POM121: variants seen among roughly 807,000 people sequenced by gnomAD.
POM121 encodes the protein nuclear envelope pore membrane protein POM 121.
In POM121, 32 loss-of-function variants were observed where a neutral mutation model predicts 81.3. The observed-to-expected ratio is 0.39, with a 90% CI of 0.30 to 0.53. The LOEUF is 0.53. POM121 is among the 20% of genes least tolerant of loss of function. The probability of loss-of-function intolerance (pLI) is 0.66; values close to 1 mark genes in which losing one functional copy is unlikely to be tolerated. For missense variants in POM121, 1,138 were observed against 1,614.6 expected (o/e 0.70, Z 5.06); for synonymous variants, 514 against 694.2 (o/e 0.74, Z 4.08).
In POM121 at chr7:72,943,399, A is replaced by G. The variant is rs2129580572; in HGVS notation, c.3406A>G (p.Ser1136Gly). 5 of 1,613,380 alleles carry G rather than the reference A, an allele frequency of 3.1e-6. No homozygotes were observed. In the South Asian group the frequency reaches 5.5e-5, roughly 18 times the overall value. ...CAGCTTTGGAGCAGGACAGAGTGGGAGCACAGCCACCTCCACCCCCTTCGC... is the reference window on the plus strand; with the variant it reads ...CAGCTTTGGAGCAGGACAGAGTGGGGGCACAGCCACCTCCACCCCCTTCGC... ...AFSFGAGQSG[S>G]TATSTPFAGG... Residue 1136 changes from serine to glycine, a missense_variant, in exon 11 of 13, where the codon AGC (serine) becomes GGC (glycine). This residue lies in a region of POM121 where 336 missense variants were observed against 344.3 expected (regional missense o/e 0.98). Transcript: ENST00000434423.
At chr7:72,898,458 A>G (rs533175783) in intron 3 of POM121, among the ~76,000 whole-genome samples, 1 of 152,112 alleles carries the variant, frequency 6.6e-6, no homozygotes, top group Non-Finnish European at 1.5e-5. Context: ...AGGCAGTTGC[A>G]TATGTTGGTT....
chr7:72,920,544 C>A (rs1465040187), upstream of POM121, among the ~76,000 whole-genome samples: 1 of 151,720 alleles, frequency 6.6e-6, no homozygotes, highest in Non-Finnish European at 1.5e-5. Context: ...TTAGTAGAGA[C>A]GGGGTTTCAC....
chr7:72,930,967 A>C (rs1795958605), intron 5 of POM121, among the ~76,000 whole-genome samples: 1 of 152,144 alleles, frequency 6.6e-6, no homozygotes, highest in African/African-American at 2.4e-5. Context: ...CACCTATTAC[A>C]GTGGCTGTCA....
chr7:72,884,552 T>C (rs1288236118), intron 1 of POM121, among the ~76,000 whole-genome samples: 1 of 143,130 alleles, frequency 7.0e-6, no homozygotes, highest in African/African-American at 2.6e-5. Flanking sequence ...ATACATATAA[T>C]ATATATTTGA....
At chr7:72,926,213 G>T in intron 1 of POM121, 49 bp from the exon 2 acceptor site, 1 of 1,514,054 alleles carries the variant, frequency 6.6e-7, no homozygotes. Context: ...TTAAAAATTT[G>T]ACATTCTTTT....
intron 1 of POM121, among the ~76,000 whole-genome samples, chr7:72,886,246 C>T (rs1457356490): frequency 1.6e-4 from 25 of 151,748 alleles, no homozygotes; most frequent in African/African-American, 5.1e-4. Context: ...CTATCTTGGC[C>T]CACTGCAACC....
intron 3 of POM121, among the ~76,000 whole-genome samples, chr7:72,906,211 T>C (rs1793220355): frequency 6.6e-6 from 1 of 152,210 alleles, no homozygotes; most frequent in Non-Finnish European, 1.5e-5. Context: ...GTCTCTTTAA[T>C]AAAATCTTCT....
Position 72,945,430 on chromosome 7 carries a change from T to C in POM121, c.3530-156T>C. Among the ~76,000 whole-genome samples the C allele has an allele frequency of 1.3e-5, 2 of 151,864 alleles. 1 individual carries two copies. The highest frequency in any genetic ancestry group is 2.9e-5 in the Non-Finnish European group (2 of 67,910). ...TGGGGCACCAGGCATGAAGACTCGGTTGTCTGGCTCAGCTGCTGATGGAGG... is the reference window on the plus strand; with the variant it reads ...TGGGGCACCAGGCATGAAGACTCGGCTGTCTGGCTCAGCTGCTGATGGAGG... On this transcript the variant is annotated intron_variant, in intron 11 of 12. Transcript: ENST00000434423.
chr7:72,932,230 A>G (rs1368053332), intron 5 of POM121, among the ~76,000 whole-genome samples: 1 of 150,764 alleles, frequency 6.6e-6, no homozygotes, highest in Non-Finnish European at 1.5e-5. Context: ...TTTCCACTCT[A>G]CATTTTTCCT....
intron 3 of POM121, among the ~76,000 whole-genome samples, chr7:72,891,393 G>A: frequency 6.6e-6 from 1 of 152,078 alleles, no homozygotes. Context: ...AATTGTTGTG[G>A]GCTGTTTGTT....
chr7:72,881,183 G>A (rs1202851443), intron 1 of POM121, among the ~76,000 whole-genome samples: 3 of 151,360 alleles, frequency 2.0e-5, no homozygotes, highest in African/African-American at 4.9e-5. Context: ...TTGTGCCTCA[G>A]CCTCCTGAGT....
chr7:72,943,134 C>T lies in POM121; in HGVS notation c.3141C>T (p.Phe1047=), dbSNP rs781964052. Residue 1047 remains phenylalanine, a synonymous_variant, in exon 11 of 13, where the codon TTC becomes TTT. Coordinates refer to ENST00000434423, the MANE Select transcript of POM121 (RefSeq NM_001387691.1). ...GGTTGAAAGCCACGGCTTCGGCCTTCGGCGCTCCCGCCAGCTCACAGCCCG... is the reference window on the plus strand; with the variant it reads ...GGTTGAAAGCCACGGCTTCGGCCTTTGGCGCTCCCGCCAGCTCACAGCCCG... The part of the protein sequence containing the change: ...AFGLKATASA[F]GAPASSQPAF... 9.9e-5 allele frequency: 159 copies of T among 1,612,930 alleles called. 1 individual carries two copies. Among genetic ancestry groups the T allele is most frequent in the Non-Finnish European group, 1.3e-4 (152 of 1,179,644 alleles).
chr7:72,921,347 T>G (rs1367864595), upstream of POM121, among the ~76,000 whole-genome samples: 6 of 152,170 alleles, frequency 3.9e-5, no homozygotes, highest in African/African-American at 1.4e-4. Context: ...GCCGTGGGTT[T>G]GTTTCATATA....
chr7:72,928,250 A>T (rs1217091370), intron 3 of POM121, 135 bp from the exon 4 acceptor site: 99 of 1,296,302 alleles, frequency 7.6e-5, no homozygotes, highest in Non-Finnish European at 9.8e-5. Context: ...TAGGGATTTT[A>T]AACAACCATT....
intron 12 of POM121, 93 bp downstream of exon 12, chr7:72,945,801 A>G: frequency 1.3e-6 from 2 of 1,508,448 alleles, no homozygotes; most frequent in Non-Finnish European, 1.8e-6. Flanking sequence ...CCCGGTGAAG[A>G]TCAGGTTCAG....
chr7:72,881,704 A>T (rs1429887612), intron 1 of POM121, among the ~76,000 whole-genome samples: 1 of 151,896 alleles, frequency 6.6e-6, no homozygotes, highest in Admixed American at 6.6e-5. Context: ...ATCTCGCTTC[A>T]CTGCAGCCTT....
chr7:72,905,430 A>G (rs1793141410), intron 3 of POM121, among the ~76,000 whole-genome samples: 1 of 152,178 alleles, frequency 6.6e-6, no homozygotes, highest in South Asian at 2.1e-4. Flanking sequence ...TTGGCTGGGC[A>G]TGGTGGCTCA....
chr7:72,929,429 C>A (rs1175693534), intron 4 of POM121, among the ~76,000 whole-genome samples: 1 of 152,062 alleles, frequency 6.6e-6, no homozygotes, highest in African/African-American at 2.4e-5. Flanking sequence ...AGAAAAGATG[C>A]GTAGGAGATT....
At chr7:72,880,159 T>C (rs1324859037) in intron 1 of POM121, among the ~76,000 whole-genome samples, 2 of 152,154 alleles carry the variant, frequency 1.3e-5, no homozygotes. Flanking sequence ...CCTCCTCCTC[T>C]CTGTGCTCCA....
Sources: gnomAD v4.1 joint callset for allele counts (sites outside exome capture counted in the v4.1 genomes callset) on GRCh38, gnomAD v4.1.1 for gene constraint, gnomAD v4.1.1 regional missense constraint, MANE v1.5 for transcripts, NCBI Gene and HGNC (gene_info 2026-07-23, HGNC 2026-07-21) for gene names.